LGR6: variants seen among roughly 807,000 people sequenced by gnomAD.
The protein encoded by LGR6 is leucine rich repeat containing G protein-coupled receptor 6.
In LGR6, 45 loss-of-function variants were observed where a neutral mutation model predicts 69.4. The ratio of observed to expected loss-of-function variants is 0.65; its 90% confidence interval spans 0.51 to 0.83. The LOEUF is 0.83. LGR6 is among the 40% of genes least tolerant of loss of function. The pLI is 0.00. For missense variants in LGR6, 1,108 were observed against 1,246.7 expected (o/e 0.89, Z 1.68); for synonymous variants, 538 against 555.0 (o/e 0.97, Z 0.43).
intron 1 of LGR6, among the ~76,000 whole-genome samples, chr1:202,207,206 T>A (rs1325662352): frequency 6.6e-6 from 1 of 152,196 alleles, no homozygotes; most frequent in Non-Finnish European, 1.5e-5. Flanking sequence ...TGTGAGCCAC[T>A]GTGCCCGGCC....
intron 5 of LGR6, among the ~76,000 whole-genome samples, chr1:202,278,797 G>A (rs1354556006): frequency 1.3e-5 from 2 of 152,132 alleles, no homozygotes; most frequent in Admixed American, 6.5e-5. Context: ...AGGAGAAGGG[G>A]CTTCTCTTCA....
At chr1:202,205,969 A>AAC (rs10522754) in intron 1 of LGR6, among the ~76,000 whole-genome samples, 7,262 of 149,030 alleles carry the variant, frequency 0.049, 343 homozygotes, top group African/African-American at 0.12. Flanking sequence ...ACAGACACAC[A>AAC]ACACACACAC....
At chr1:202,275,481 C>T (rs976828905) in intron 4 of LGR6, among the ~76,000 whole-genome samples, 1 of 152,124 alleles carries the variant, frequency 6.6e-6, no homozygotes, top group African/African-American at 2.4e-5. Flanking sequence ...ATAAGTAATC[C>T]TCATATCACC....
At chr1:202,223,052 G>T (rs1415034126) in intron 1 of LGR6, among the ~76,000 whole-genome samples, 3 of 151,480 alleles carry the variant, frequency 2.0e-5, no homozygotes, top group Admixed American at 2.0e-4. Context: ...AGTGAGCCGA[G>T]ATCACACCAC....
intron 4 of LGR6, among the ~76,000 whole-genome samples, chr1:202,254,512 GTGGGTCATTCCTTCCATTA>G (rs1353182746): frequency 6.6e-6 from 1 of 152,234 alleles, no homozygotes; most frequent in African/African-American, 2.4e-5. Flanking sequence ...ATGAGTGAAT[GTGGGTCATTCCTTCCATTA>G]TGTTTGCATT....
At chr1:202,306,729 G>T in intron 12 of LGR6, 139 bp from the exon 13 acceptor site, 1 of 785,696 alleles carries the variant, frequency 1.3e-6, no homozygotes, top group South Asian at 1.5e-5. Flanking sequence ...TAATTCTGGT[G>T]ACTTCCTCGG....
intron 1 of LGR6, among the ~76,000 whole-genome samples, chr1:202,207,335 A>G (rs1659290503): frequency 6.6e-6 from 1 of 152,176 alleles, no homozygotes; most frequent in Non-Finnish European, 1.5e-5. Context: ...GCCTTTGTCC[A>G]GATGGGCAGG....
intron 6 of LGR6, among the ~76,000 whole-genome samples, chr1:202,288,278 C>G (rs1381992083): frequency 6.6e-6 from 1 of 152,138 alleles, no homozygotes; most frequent in African/African-American, 2.4e-5. Context: ...CCTCCATTCC[C>G]AGCACTCTCC....
intron 4 of LGR6, among the ~76,000 whole-genome samples, chr1:202,244,174 G>A (rs1424024238): frequency 6.6e-6 from 1 of 152,092 alleles, no homozygotes; most frequent in Non-Finnish European, 1.5e-5. Flanking sequence ...GGCCAGGCTG[G>A]TCTCGAACTC....
At chr1:202,203,773 C>G (rs1389422697) in intron 1 of LGR6, 1 of 1,611,718 alleles carries the variant, frequency 6.2e-7, no homozygotes, top group Non-Finnish European at 8.5e-7. Flanking sequence ...AATGCGGAAG[C>G]CCCTGAAAGG....
intron 4 of LGR6, chr1:202,236,239 G>A (rs1169969257): frequency 1.8e-6 from 1 of 543,530 alleles, no homozygotes; most frequent in African/African-American, 1.9e-5. Context: ...GGGGGACTGT[G>A]GGAATGGGAC....
chr1:202,212,425 C>T (rs1659498288), intron 1 of LGR6, among the ~76,000 whole-genome samples: 1 of 152,174 alleles, frequency 6.6e-6, no homozygotes, highest in Admixed American at 6.5e-5. Context: ...GACAAAGTAC[C>T]GCAAACTGGG....
intron 1 of LGR6, among the ~76,000 whole-genome samples, chr1:202,216,673 C>T (rs1176765935): frequency 2.6e-5 from 4 of 152,200 alleles, no homozygotes; most frequent in Non-Finnish European, 5.9e-5. Context: ...CCCATATTTT[C>T]ATTCCTCTCC....
intron 6 of LGR6, among the ~76,000 whole-genome samples, chr1:202,281,596 A>C (rs1666011970): frequency 1.3e-5 from 2 of 152,094 alleles, no homozygotes; most frequent in Admixed American, 6.5e-5. Context: ...GTCCCTCAGC[A>C]TCCATGAGGG....
intron 4 of LGR6, among the ~76,000 whole-genome samples, chr1:202,257,322 A>G (rs1031967142): frequency 1.3e-5 from 2 of 152,172 alleles, no homozygotes; most frequent in East Asian, 1.9e-4. Context: ...CAATTAGTCT[A>G]TTTTTTGGTT....
rs1654035487 is a variant in LGR6 at position 202,314,968 on chromosome 1, A to C, written c.1648+86A>C. The C allele has an allele frequency of 7.4e-6, 7 of 947,084 alleles. No individual in the cohort carries two copies. The Admixed American group carries it at 1.1e-4, about 15-fold the overall frequency. The allele number at this position is 947,084 out of a possible 1,614,324, so 58.7% of individuals were successfully genotyped here. On this transcript the variant is annotated intron_variant, in intron 17 of 17. Transcript: ENST00000367278. Reference sequence around the variant, plus strand: ...AGTTGAGGTATTAGTTCAGCCTGGCATGTCTGCAGCCACATTCTTTGCCTG... The same window carrying C: ...AGTTGAGGTATTAGTTCAGCCTGGCCTGTCTGCAGCCACATTCTTTGCCTG...
At chr1:202,278,512 G>T (rs1665764235) in intron 5 of LGR6, among the ~76,000 whole-genome samples, 1 of 152,086 alleles carries the variant, frequency 6.6e-6, no homozygotes, top group Non-Finnish European at 1.5e-5. Flanking sequence ...AGAAAAACTG[G>T]TCCCTTTGCA....
chr1:202,252,415 C>T (rs1663341720), intron 4 of LGR6, among the ~76,000 whole-genome samples: 1 of 152,206 alleles, frequency 6.6e-6, no homozygotes, highest in South Asian at 2.1e-4. Flanking sequence ...CAGAGCCAGG[C>T]ATCCTCACTC....
intron 1 of LGR6, among the ~76,000 whole-genome samples, chr1:202,207,240 T>C (rs1394644020): frequency 6.6e-6 from 1 of 152,126 alleles, no homozygotes; most frequent in African/African-American, 2.4e-5. Flanking sequence ...ATGGAGCCCT[T>C]TCTCCCCTTA....
Sources: allele counts gnomAD v4.1 joint callset (sites outside exome capture counted in the v4.1 genomes callset), GRCh38; gene constraint gnomAD v4.1.1; transcripts MANE v1.5; gene names NCBI Gene and HGNC (gene_info 2026-07-23, HGNC 2026-07-21).